PARP12: variants seen among roughly 807,000 people sequenced by gnomAD.
The protein encoded by PARP12 is protein mono-ADP-ribosyltransferase PARP12.
A neutral mutation model predicts 72.4 loss-of-function variants in PARP12; 59 were observed. The ratio of observed to expected loss-of-function variants is 0.81; its 90% CI spans 0.66 to 1.01. PARP12 has a LOEUF of 1.01. PARP12 is among the 50% of genes least tolerant of loss of function. The probability of loss-of-function intolerance (pLI) is 0.00; values close to 1 mark genes in which losing one functional copy is unlikely to be tolerated. For synonymous variants in PARP12, 403 were observed against 371.4 expected (o/e 1.09, Z -0.98); for missense variants, 851 against 914.0 (o/e 0.93, Z 0.89).
At chr7:140,043,518 A>C (rs1049327447) in intron 5 of PARP12, among the ~76,000 whole-genome samples, 1 of 151,594 alleles carries the variant, frequency 6.6e-6, no homozygotes, top group Non-Finnish European at 1.5e-5. Flanking sequence ...TTCCTTTTTT[A>C]CTACTTTTTT....
chr7:140,057,290 T>C, intron 2 of PARP12, 137 bp from the exon 3 acceptor site: 1 of 831,368 alleles, frequency 1.2e-6, no homozygotes, highest in Non-Finnish European at 1.9e-6. Context: ...AGCTATTACA[T>C]CCCTCACTCT....
Position 140,024,517 on chromosome 7 carries a change from T to C in PARP12, c.*43A>G. On this transcript the variant is annotated 3_prime_UTR_variant, in exon 12 of 12. Coordinates refer to ENST00000263549, the MANE Select transcript of PARP12 (RefSeq NM_022750.4). ...GAAAAGGAAAGGCCCAAATAGCCAT[T>C]TCAAGGCAGAGCAGGTGAAAGGCCT... 1 of 1,601,280 alleles carries C rather than the reference T, an allele frequency of 6.2e-7. No homozygotes were observed.
intron 1 of PARP12, among the ~76,000 whole-genome samples, chr7:140,062,296 T>C (rs1423440052): frequency 6.9e-6 from 1 of 145,608 alleles, no homozygotes; most frequent in Non-Finnish European, 1.5e-5. Context: ...AATCACTCTC[T>C]CCCCCCAGGC....
intron 3 of PARP12, 52 bp from the exon 4 acceptor site, chr7:140,054,815 G>A: frequency 7.1e-7 from 1 of 1,416,246 alleles, no homozygotes; most frequent in Non-Finnish European, 1.0e-6. Flanking sequence ...GGGTATAAAA[G>A]AGAGTTAAAG....
intron 4 of PARP12, among the ~76,000 whole-genome samples, chr7:140,052,808 G>C (rs563192397): frequency 4.0e-5 from 6 of 150,430 alleles, no homozygotes; most frequent in Non-Finnish European, 8.9e-5. Flanking sequence ...GATTTGAGTA[G>C]ATACTTCACA....
intron 1 of PARP12, among the ~76,000 whole-genome samples, chr7:140,060,103 G>T (rs1817379289): frequency 6.6e-6 from 1 of 152,212 alleles, no homozygotes; most frequent in Admixed American, 6.5e-5. Flanking sequence ...TGTTTTATGA[G>T]TTAATCATTC....
chr7:140,062,523 C>A lies in PARP12; in HGVS notation c.325G>T (p.Gly109Trp). ...VYGACKFLRA[G>W]KNCRNSHSLT... ...GTCGCTCCCGGCGCGGCGCCTTACC[C>A]GGCTCTCAGGAACTTGCAGGCGCCG... is the stretch of plus-strand genomic sequence containing the variant. Residue 109 changes from glycine (G) to tryptophan (W), a missense_variant and splice_region_variant, in exon 1 of 12, where the codon GGG becomes TGG. Gly to Trp is a radical substitution (Grantham distance 184). Coordinates refer to ENST00000263549, the MANE Select transcript of PARP12 (RefSeq NM_022750.4). 1 of 1,547,014 alleles carries A rather than the reference C, an allele frequency of 6.5e-7. No individual in the cohort carries two copies. Among genetic ancestry groups the A allele is most frequent in the South Asian group, 1.2e-5 (1 of 85,020 alleles).
rs1276901770 is a variant in PARP12 at position 140,062,860 on chromosome 7, T to C, written c.-13A>G. The C allele has an allele frequency of 1.6e-6, 2 of 1,281,434 alleles. No homozygotes were observed. The highest frequency in any genetic ancestry group is 2.3e-5 in the South Asian group (1 of 42,898). The allele number at this position is 1,281,434 out of a possible 1,614,324, so 79.4% of individuals were successfully genotyped here. On this transcript the variant is annotated 5_prime_UTR_variant, in exon 1 of 12. Transcript: ENST00000263549. ...CGGCCTGGGCCATGGCCGCTGGGCC[T>C]GCTCCCGTCGGACCGCGGGTGGCGC...
At chr7:140,038,208 G>A (rs1816301138) in intron 6 of PARP12, 6 of 985,474 alleles carry the variant, frequency 6.1e-6, no homozygotes, top group Non-Finnish European at 7.2e-6. Flanking sequence ...AGTGCTGCTT[G>A]ACTGGGCAGC....
intron 11 of PARP12, chr7:140,025,444 CAAA>C: frequency 2.7e-6 from 1 of 366,188 alleles, no homozygotes; most frequent in South Asian, 2.1e-5. Context: ...AACTGACTAA[CAAA>C]GAACTGATGG....
intron 6 of PARP12, 21 bp from the exon 7 acceptor site, chr7:140,037,877 C>G (rs1249126784): frequency 1.3e-6 from 2 of 1,596,990 alleles, no homozygotes; most frequent in Admixed American, 3.4e-5. Context: ...AAGCCAGACA[C>G]TTTATGAAGG....
chr7:140,024,702 A>C lies in PARP12; in HGVS notation c.1964T>G (p.Val655Gly), dbSNP rs1815656244. 1 of 1,614,070 alleles carries C rather than the reference A, an allele frequency of 6.2e-7. No individual in the cohort carries two copies. The highest frequency in any genetic ancestry group is 1.3e-5 in the African/African-American group (1 of 74,922). Reference protein sequence around the residue: ...NAFYDSCVNSVSDPSIFVIFE... With the variant: ...NAFYDSCVNSGSDPSIFVIFE... ...GATCACAAAGATGGAGGGGTCGGAC[A>C]CACTGTTCACGCAGCTATCATAGAA... The change falls in exon 12 of 12, where the codon GTG becomes GGG. Residue 655 changes from valine (V) to glycine (G), a missense_variant. This residue lies in a region of PARP12 where 347 missense variants were observed against 396.1 expected (regional missense o/e 0.88). Coordinates refer to ENST00000263549, the MANE Select transcript of PARP12 (RefSeq NM_022750.4).
intron 4 of PARP12, among the ~76,000 whole-genome samples, chr7:140,053,020 A>T (rs879731566): frequency 6.6e-6 from 1 of 152,224 alleles, no homozygotes; most frequent in Admixed American, 6.5e-5. Context: ...AAATATTATT[A>T]TCTATTTTGG....
rs184385394 is a variant in PARP12, at chr7:140,045,996, T to G, written c.986+888A>C. 1.4e-3 allele frequency among the ~76,000 whole-genome samples: 207 copies of G among 152,058 alleles called. 1 individual carries two copies. Among genetic ancestry groups the G allele is most frequent in the African/African-American group, 3.7e-3 (155 of 41,430 alleles). On this transcript the variant is annotated intron_variant, in intron 5 of 11. Coordinates refer to ENST00000263549, the MANE Select transcript of PARP12 (RefSeq NM_022750.4). ...TCAGAACGGTGGTGAACGATGGGAGTAGGCACTGACTGGAAGGAGATGGGG... is the reference window on the plus strand; with the variant it reads ...TCAGAACGGTGGTGAACGATGGGAGGAGGCACTGACTGGAAGGAGATGGGG...
intron 4 of PARP12, among the ~76,000 whole-genome samples, chr7:140,049,916 C>T (rs1454889482): frequency 6.6e-6 from 1 of 152,098 alleles, no homozygotes; most frequent in Admixed American, 6.6e-5. Flanking sequence ...CCCTACCTCA[C>T]GTTGGCATTC....
At chr7:140,033,097 C>T (rs1440346552) in intron 8 of PARP12, 6 of 748,678 alleles carry the variant, frequency 8.0e-6, no homozygotes, top group South Asian at 6.1e-5. Flanking sequence ...GGACTACAGG[C>T]GCACAGGCTG....
intron 8 of PARP12, chr7:140,033,136 ACCCG>A (rs1816013853): frequency 1.0e-6 from 1 of 962,698 alleles, no homozygotes; most frequent in Non-Finnish European, 1.2e-6. Context: ...CAAGCAATCT[ACCCG>A]CCTCGGCCTC....
At chr7:140,045,142 T>C (rs1816664455) in intron 5 of PARP12, among the ~76,000 whole-genome samples, 1 of 152,020 alleles carries the variant, frequency 6.6e-6, no homozygotes, top group Non-Finnish European at 1.5e-5. Context: ...TGGTGCTCCC[T>C]CTGCAGCTTC....
In PARP12 at chr7:140,045,716, A is replaced by G. The variant is rs369197916; in HGVS notation, c.986+1168T>C. Among the ~76,000 whole-genome samples the G allele has an allele frequency of 3.0e-4, 46 of 152,354 alleles. 1 individual carries two copies. The South Asian group carries it at 9.1e-3, about 30-fold the overall frequency. On this transcript the variant is annotated intron_variant, in intron 5 of 11. Coordinates refer to ENST00000263549, the MANE Select transcript of PARP12 (RefSeq NM_022750.4). ...AACCAAGTGAGGAAAAAAATCTACA[A>G]GAAGATCAAAAAGAGAAAAGAAATA... is the stretch of plus-strand genomic sequence containing the variant.
Sources: allele counts gnomAD v4.1 joint callset (sites outside exome capture counted in the v4.1 genomes callset), GRCh38; gene constraint gnomAD v4.1.1; regional missense constraint gnomAD v4.1.1; transcripts MANE v1.5; gene names NCBI Gene and HGNC (gene_info 2026-07-23, HGNC 2026-07-21).